Variants in ARHGAP21 observed in about 807,000 individuals in gnomAD.
The protein encoded by ARHGAP21 is rho GTPase-activating protein 21.
Under a neutral mutation model 164.6 loss-of-function variants are expected in ARHGAP21, and 38 were observed. The observed-to-expected ratio is 0.23, with a 90% CI of 0.18 to 0.30. ARHGAP21 has a LOEUF of 0.30. Among genes scored for constraint, ARHGAP21 ranks in the 10% least tolerant of loss-of-function variants. The pLI, the probability that ARHGAP21 is intolerant of heterozygous loss-of-function variation, is 1.00. For synonymous variants in ARHGAP21, 766 were observed against 857.9 expected, an observed-to-expected ratio of 0.89 and a Z score of 1.87; for missense variants, 1,822 against 2,370.7, an observed-to-expected ratio of 0.77 and a Z score of 4.81.
intron 13 of ARHGAP21, among the ~76,000 whole-genome samples, chr10:24,601,577 CAA>C (rs1216485317): frequency 6.6e-6 from 1 of 151,234 alleles, no homozygotes; most frequent in Non-Finnish European, 1.5e-5. Context: ...TAAAATGAAA[CAA>C]AGTTATAAAG....
chr10:24,689,584 A>C (rs936751722), intron 2 of ARHGAP21, among the ~76,000 whole-genome samples: 2 of 152,040 alleles, frequency 1.3e-5, no homozygotes, highest in African/African-American at 4.8e-5. Context: ...TACAAAAAAT[A>C]CAAAAAATTA....
intron 24 of ARHGAP21, chr10:24,589,575 G>A (rs1041174787): frequency 2.6e-6 from 1 of 379,490 alleles, no homozygotes; most frequent in African/African-American, 2.1e-5. Context: ...AAACACTCGT[G>A]TTTATTAGAC....
At chr10:24,606,365 T>C (rs2077024787) in intron 11 of ARHGAP21, among the ~76,000 whole-genome samples, 1 of 152,076 alleles carries the variant, frequency 6.6e-6, no homozygotes, top group African/African-American at 2.4e-5. Context: ...TAGAAAATAG[T>C]CAAAAAATAT....
At position 24,621,096 on chromosome 10, in the gene ARHGAP21, A is replaced by C. The variant is rs1296132577; in HGVS notation, c.799T>G (p.Cys267Gly). The change falls in exon 9 of 26, where the codon TGC (cysteine) becomes GGC (glycine). Residue 267 changes from cysteine to glycine, a missense_variant. Physicochemically the swap from Cys to Gly is radical, Grantham distance 159. Transcript: ENST00000396432. The part of the protein sequence containing the change: ...VAKSNTAVCV[C>G]NESVRTVIVP... ...ATGACAGTCCTTACACTTTCATTGCAAACACACACTGCTGTGTTTGATTTT... is the reference window on the plus strand; with the variant it reads ...ATGACAGTCCTTACACTTTCATTGCCAACACACACTGCTGTGTTTGATTTT... 6.2e-6 allele frequency: 10 copies of C among 1,613,828 alleles called. No individual in the cohort carries two copies. Among genetic ancestry groups the C allele is most frequent in the Non-Finnish European group, 8.5e-6 (10 of 1,179,850 alleles).
intron 2 of ARHGAP21, among the ~76,000 whole-genome samples, chr10:24,682,639 T>C (rs1464585349): frequency 6.6e-6 from 1 of 152,144 alleles, no homozygotes; most frequent in Non-Finnish European, 1.5e-5. Flanking sequence ...CTAAGTATGC[T>C]TGATAACTTC....
intron 2 of ARHGAP21, among the ~76,000 whole-genome samples, chr10:24,682,227 G>T (rs928265844): frequency 1.3e-4 from 20 of 151,908 alleles, no homozygotes; most frequent in Non-Finnish European, 2.6e-4. Context: ...TGTTTTGTCT[G>T]AAAGGAAAAA....
intron 2 of ARHGAP21, among the ~76,000 whole-genome samples, chr10:24,713,674 T>C (rs1392089422): frequency 6.6e-6 from 1 of 151,742 alleles, no homozygotes; most frequent in African/African-American, 2.4e-5. Context: ...GGTCTCCCTA[T>C]TTGGTCCAGG....
intron 2 of ARHGAP21, among the ~76,000 whole-genome samples, chr10:24,674,649 G>A (rs899435650): frequency 6.6e-6 from 1 of 152,008 alleles, no homozygotes; most frequent in African/African-American, 2.4e-5. Context: ...TCACACCACT[G>A]CACTCCAGCC....
intron 24 of ARHGAP21, 115 bp from the exon 25 acceptor site, chr10:24,589,417 AAAC>A (rs2076241365): frequency 2.2e-6 from 2 of 908,548 alleles, no homozygotes; most frequent in South Asian, 3.3e-5. Flanking sequence ...GCAAAACTCA[AAAC>A]AATAGAACAC....
At chr10:24,720,507 AC>A (rs1320744373) in intron 2 of ARHGAP21, among the ~76,000 whole-genome samples, 1 of 152,230 alleles carries the variant, frequency 6.6e-6, no homozygotes, top group Non-Finnish European at 1.5e-5. Flanking sequence ...GCAGGTGTTT[AC>A]AGATGTCAAA....
At chr10:24,604,206 C>T (rs905135476) in intron 12 of ARHGAP21, 106 bp downstream of exon 12, 2 of 775,058 alleles carry the variant, frequency 2.6e-6, no homozygotes, top group Non-Finnish European at 3.8e-6. Context: ...TACATACTTA[C>T]AGAATAAAAG....
chr10:24,662,347 C>A (rs1011372910), intron 4 of ARHGAP21, among the ~76,000 whole-genome samples: 1 of 151,958 alleles, frequency 6.6e-6, no homozygotes, highest in African/African-American at 2.4e-5. Context: ...TAAGATGGAC[C>A]TAAGAGTTAG....
chr10:24,656,407 G>A (rs1479041739), intron 4 of ARHGAP21, among the ~76,000 whole-genome samples: 17 of 65,536 alleles, frequency 2.6e-4, no homozygotes, highest in East Asian at 9.3e-4. Context: ...TCAGCCCTCC[G>A]CCCGGCCAGC....
chr10:24,651,921 C>A (rs1838214018), intron 4 of ARHGAP21, among the ~76,000 whole-genome samples: 1 of 152,010 alleles, frequency 6.6e-6, no homozygotes, highest in Non-Finnish European at 1.5e-5. Flanking sequence ...GACATTCTAC[C>A]CAATAGCAGC....
At chr10:24,610,308 C>T (rs899013321) in intron 9 of ARHGAP21, among the ~76,000 whole-genome samples, 5 of 149,938 alleles carry the variant, frequency 3.3e-5, no homozygotes, top group South Asian at 2.1e-4. Flanking sequence ...ACCCGGGAGG[C>T]GGAGCTGCAG....
intron 2 of ARHGAP21, among the ~76,000 whole-genome samples, chr10:24,685,171 T>C (rs1842102615): frequency 6.6e-6 from 1 of 152,150 alleles, no homozygotes; most frequent in South Asian, 2.1e-4. Flanking sequence ...TTCAAATTTG[T>C]TTGTTTTTTC....
Position 24,607,380 on chromosome 10 carries a change from C to T in ARHGAP21, c.2684+119G>A, listed in dbSNP as rs1360192405. The T allele has an allele frequency of 4.9e-6, 4 of 822,788 alleles. 1 individual carries two copies. Among genetic ancestry groups the T allele is most frequent in the South Asian group, 3.9e-5 (2 of 51,946 alleles). The allele number at this position is 822,788 out of a possible 1,614,324, so 51.0% of individuals were successfully genotyped here. A position where few individuals can be genotyped will look rare whatever the true frequency, so the allele number is the denominator to read the frequency against. On this transcript the variant is annotated intron_variant, in intron 11 of 25. Transcript: ENST00000396432. The stretch of plus-strand genomic sequence containing the variant: ...TACCATTAACAACTTTATTTATTTG[C>T]ATTTCTAATGTCAAAGTTAGAAAAC...
At chr10:24,597,013 TAAC>T in intron 16 of ARHGAP21, 131 bp from the exon 17 acceptor site, 1 of 943,050 alleles carries the variant, frequency 1.1e-6, no homozygotes, top group Non-Finnish European at 1.5e-6. Flanking sequence ...ATCCTATATT[TAAC>T]AAAAATATGT....
At chr10:24,711,201 G>A (rs1300330259) in intron 2 of ARHGAP21, among the ~76,000 whole-genome samples, 1 of 151,700 alleles carries the variant, frequency 6.6e-6, no homozygotes, top group Admixed American at 6.6e-5. Context: ...AAGTTAGTTG[G>A]AGCACTTGGG....
Sources: gnomAD v4.1 joint callset for allele counts (sites outside exome capture counted in the v4.1 genomes callset) on GRCh38, gnomAD v4.1.1 for gene constraint, MANE v1.5 for transcripts, NCBI Gene and HGNC (gene_info 2026-07-23, HGNC 2026-07-21) for gene names.